The following HTT variants were observed in gnomAD, a reference collection of about 807,000 sequenced individuals.
HTT encodes huntington disease protein.
In HTT, 104 loss-of-function variants were observed where a neutral mutation model predicts 362.3. The observed-to-expected ratio is 0.29, with a 90% CI of 0.24 to 0.34. The LOEUF (loss-of-function observed/expected upper bound fraction) is 0.34, where lower values mean the gene tolerates loss of function less well. Among genes scored for constraint, HTT ranks in the 10% least tolerant of loss-of-function variants. The pLI is 1.00. For synonymous variants in HTT, 1,577 were observed against 1,548.7 expected (o/e 1.02, Z -0.43); for missense variants, 3,301 against 3,928.6 (o/e 0.84, Z 4.27).
Position 3,220,228 on chromosome 4 carries a change from C to G in HTT, c.7289C>G (p.Thr2430Arg). 1 of 1,614,110 alleles carries G rather than the reference C, an allele frequency of 6.2e-7. No individual in the cohort carries two copies. Among genetic ancestry groups the G allele is most frequent in the East Asian group, 2.2e-5 (1 of 44,876 alleles). ...WSPKPGGDFG[T>R]AFPEIPVEFL... is the part of the protein sequence containing the mutation. ...CCCAAACCGGGAGGGGATTTTGGCA[C>G]AGCATTCCCTGAGATCCCCGTGGAG... Residue 2430 changes from threonine to arginine, a missense_variant, in exon 53 of 67, where the codon ACA (threonine) becomes AGA (arginine). Physicochemically the swap from Thr to Arg is moderately conservative, Grantham distance 71 (BLOSUM62 -1). Around this residue, in one of 4 missense-constraint regions of HTT, gnomAD observed 753 missense variants for 1,021.3 expected, o/e 0.74. Transcript: ENST00000355072.
intron 12 of HTT, chr4:3,129,659 C>T: frequency 6.4e-6 from 2 of 310,696 alleles, no homozygotes; most frequent in Middle Eastern, 9.4e-4. Context: ...TTTTCTTTTT[C>T]ATATTAAAAA....
At position 3,217,969 on chromosome 4, in the gene HTT, C is replaced by T. The variant is rs752471037; in HGVS notation, c.7242+17C>T. 1.9e-6 allele frequency: 3 copies of T among 1,589,738 alleles called. No individual in the cohort carries two copies. The highest frequency in any genetic ancestry group is 1.7e-5 in the Admixed American group (1 of 58,950). ...CCCCCACTGGTGAGTCTGCTCGTTC[C>T]TTGCAGAAGACCAAGTACGGTGAAA... is the stretch of plus-strand genomic sequence containing the variant. On this transcript the variant is annotated intron_variant, in intron 52 of 66. Coordinates refer to ENST00000355072, the MANE Select transcript of HTT (RefSeq NM_001388492.1).
At chr4:3,187,102 G>A (rs1051417698) in intron 38 of HTT, among the ~76,000 whole-genome samples, 1 of 151,396 alleles carries the variant, frequency 6.6e-6, no homozygotes, top group African/African-American at 2.4e-5. Flanking sequence ...CTCGTGACCC[G>A]CCCATCTCAG....
chr4:3,172,932 A>C lies in HTT; in HGVS notation c.3967A>C (p.Asn1323His), dbSNP rs982184649. 6.2e-7 allele frequency: 1 copy of C among 1,614,078 alleles called. No homozygotes were observed. The highest frequency in any genetic ancestry group is 1.3e-5 in the African/African-American group (1 of 74,922). The change falls in exon 31 of 67, where the codon AAC becomes CAC. Residue 1323 changes from asparagine (N) to histidine (H), a missense_variant. Asn to His is a moderately conservative substitution (Grantham distance 68, BLOSUM62 1). Coordinates refer to ENST00000355072, the MANE Select transcript of HTT (RefSeq NM_001388492.1). ...QQLLKTLFGT[N>H]LASQFDGLSS... Reference sequence around the variant, plus strand: ...GTTGTTGAAGACTCTCTTTGGCACAAACTTGGCCTCCCAGTTTGATGGCTT... The same window carrying C: ...GTTGTTGAAGACTCTCTTTGGCACACACTTGGCCTCCCAGTTTGATGGCTT...
intron 28 of HTT, among the ~76,000 whole-genome samples, chr4:3,158,494 C>G (rs1183662678): frequency 6.6e-6 from 1 of 151,974 alleles, no homozygotes. Flanking sequence ...CCTATTTGTT[C>G]AGAACTTTTT....
chr4:3,143,500 CAGA>C, intron 23 of HTT, among the ~76,000 whole-genome samples: 1 of 150,140 alleles, frequency 6.7e-6, no homozygotes, highest in South Asian at 2.1e-4. Context: ...GGTAATGTAT[CAGA>C]AGTTTAAAAT....
At chr4:3,213,873 G>A in intron 49 of HTT, 85 bp from the exon 50 acceptor site, 1 of 1,300,240 alleles carries the variant, frequency 7.7e-7, no homozygotes, top group Non-Finnish European at 1.0e-6. Context: ...TCAGTGCTTT[G>A]GACGGTTCCA....
intron 49 of HTT, 132 bp downstream of exon 49, chr4:3,212,841 CAGTA>C: frequency 1.1e-6 from 1 of 925,772 alleles, no homozygotes; most frequent in South Asian, 1.6e-5. Context: ...CTCAGCCTGG[CAGTA>C]AGTCTTGTCA....
At chr4:3,136,597 G>GAA (rs5855770) in intron 21 of HTT, among the ~76,000 whole-genome samples, 17 of 150,032 alleles carry the variant, frequency 1.1e-4, no homozygotes, top group Middle Eastern at 6.8e-3. Context: ...GTACTAAGAA[G>GAA]AAAAAAAAAA....
chr4:3,122,794 A>C, intron 9 of HTT, 95 bp from the exon 10 acceptor site: 3 of 929,738 alleles, frequency 3.2e-6, no homozygotes, highest in African/African-American at 3.3e-5. Flanking sequence ...CATTTTCTCT[A>C]GTTTTAAAGT....
chr4:3,132,257 G>GT (rs1490451810), intron 16 of HTT, among the ~76,000 whole-genome samples: 2 of 152,152 alleles, frequency 1.3e-5, no homozygotes, highest in Non-Finnish European at 2.9e-5. Context: ...GTGTAATAGG[G>GT]TTTTTTCTAA....
Position 3,180,053 on chromosome 4 carries a change from T to G in HTT, c.4613-462T>G, listed in dbSNP as rs535983386. On this transcript the variant is annotated intron_variant, in intron 35 of 66. Transcript: ENST00000355072. The stretch of plus-strand genomic sequence containing the variant: ...AAAATAAGACTTGGGGGAAAGTCCC[T>G]TATCTATCTAATGACAGAGTGAGTT... Among the ~76,000 whole-genome samples the G allele has an allele frequency of 9.2e-4, 140 of 152,234 alleles. 1 individual carries two copies. The highest frequency in any genetic ancestry group is 1.7e-3 in the Non-Finnish European group (116 of 68,046).
intron 26 of HTT, among the ~76,000 whole-genome samples, chr4:3,153,715 A>G (rs550781208): frequency 6.6e-6 from 1 of 152,120 alleles, no homozygotes; most frequent in African/African-American, 2.4e-5. Flanking sequence ...TGGAGCTTGG[A>G]GTTCGAGACC....
At position 3,228,483 on chromosome 4, in the gene HTT, T is replaced by C; in HGVS notation, c.7849-132T>C. The C allele has an allele frequency of 1.0e-6, 1 of 989,806 alleles. No individual in the cohort carries two copies. The highest frequency in any genetic ancestry group is 3.5e-4 in the Middle Eastern group (1 of 2,874). 61.3% of individuals were successfully genotyped at this position (989,806 alleles called of 1,614,324 possible). A position where few individuals can be genotyped will look rare whatever the true frequency, so the allele number is the denominator to read the frequency against. Reference sequence around the variant, plus strand: ...GGGCTCCCTTGCCCGTAACCTGGGGTGTCTGAACGACCCTTGCTAAGGGGC... The same window carrying C: ...GGGCTCCCTTGCCCGTAACCTGGGGCGTCTGAACGACCCTTGCTAAGGGGC... On this transcript the variant is annotated intron_variant, in intron 57 of 66. Transcript: ENST00000355072. The surrounding 1 kb of genome is among the most constrained non-coding windows in gnomAD (Gnocchi z 4.3).
chr4:3,225,993 C>T (rs891664640), intron 57 of HTT, among the ~76,000 whole-genome samples: 1 of 151,892 alleles, frequency 6.6e-6, no homozygotes, highest in Non-Finnish European at 1.5e-5. Flanking sequence ...TCACATGTAG[C>T]GATAGAGATG....
chr4:3,106,046 C>T (rs924490369), intron 5 of HTT, among the ~76,000 whole-genome samples: 3 of 152,178 alleles, frequency 2.0e-5, no homozygotes, highest in Non-Finnish European at 4.4e-5. Context: ...GGTCTAAACC[C>T]TCACTATTAA....
intron 1 of HTT, among the ~76,000 whole-genome samples, chr4:3,077,194 AATGTATT>A (rs1267296984): frequency 6.6e-6 from 1 of 152,080 alleles, no homozygotes; most frequent in Middle Eastern, 3.2e-3. Flanking sequence ...AATTTTTTTT[AATGTATT>A]ATTTTTGCAT....
chr4:3,225,515 C>T (rs892375607), intron 56 of HTT, 146 bp from the exon 57 acceptor site: 1 of 646,636 alleles, frequency 1.5e-6, no homozygotes, highest in Admixed American at 3.1e-5. Context: ...CAGGGCTCTG[C>T]ACAACCTGGG....
In HTT at chr4:3,145,146, TCTC is replaced by T. The variant is rs775306163; in HGVS notation, c.3067-5_3067-3del. ...GGGTGTGATTTTATTGTTTCTTTCT[TCTC>T]AGTTTGGATGCTGTGAAGCTTTGTG... is the stretch of plus-strand genomic sequence containing the variant. On this transcript the variant is annotated splice_region_variant and splice_polypyrimidine_tract_variant and intron_variant, in intron 23 of 66. Transcript: ENST00000355072. The T allele has an allele frequency of 4.3e-6, 7 of 1,609,674 alleles. No individual in the cohort carries two copies. The highest frequency in any genetic ancestry group is 6.0e-6 in the Non-Finnish European group (7 of 1,175,924).
Sources: gnomAD v4.1 joint callset for allele counts (sites outside exome capture counted in the v4.1 genomes callset) on GRCh38, gnomAD v4.1.1 for gene constraint, gnomAD v4.1.1 regional missense constraint, Gnocchi (gnomAD v3.1) non-coding constraint, MANE v1.5 for transcripts, NCBI Gene and HGNC (gene_info 2026-07-23, HGNC 2026-07-21) for gene names.